The following PCDHGA5 variants were observed in gnomAD, a reference collection of about 807,000 sequenced individuals.
PCDHGA5 encodes the protein protocadherin gamma-A5.
In PCDHGA5, 36 loss-of-function variants were observed where a neutral mutation model predicts 56.7. The observed-to-expected ratio is 0.64, with a 90% CI of 0.49 to 0.84. PCDHGA5 has a LOEUF of 0.84. Among genes scored for constraint, PCDHGA5 ranks in the 40% least tolerant of loss-of-function variants. The pLI is 0.00. For missense variants in PCDHGA5, 1,305 were observed against 1,201.5 expected (o/e 1.09, Z -1.27); for synonymous variants, 563 against 520.2 (o/e 1.08, Z -1.12).
chr5:141,433,098 T>G, intron 1 of PCDHGA5: 1 of 1,614,204 alleles, frequency 6.2e-7, no homozygotes, highest in Non-Finnish European at 8.5e-7. Context: ...GACATGCTCG[T>G]CAGCCAGGAG....
rs1191643556 is a variant in PCDHGA5, at chr5:141,486,302, C to T, written c.2422-8505C>T. The T allele has an allele frequency of 2.5e-6, 4 of 1,613,918 alleles. No individual in the cohort carries two copies. The highest frequency in any genetic ancestry group is 3.4e-6 in the Non-Finnish European group (4 of 1,180,002). Reference sequence around the variant, plus strand: ...GGTGGCACTTATCAGTGTGCAGGATCCAGACTCAGGGTCAAACGGAGATGT... The same window carrying T: ...GGTGGCACTTATCAGTGTGCAGGATTCAGACTCAGGGTCAAACGGAGATGT... On this transcript the variant is annotated intron_variant, in intron 1 of 3. Coordinates refer to ENST00000518069, the MANE Select transcript of PCDHGA5 (RefSeq NM_018918.3). This position sits in a 1 kb window ranked among gnomAD's most constrained non-coding sequence, Gnocchi z 5.0.
chr5:141,416,120 A>C (rs2095996372), intron 1 of PCDHGA5: 1 of 155,288 alleles, frequency 6.4e-6, no homozygotes, highest in African/African-American at 2.4e-5. Context: ...ACTACATTTT[A>C]TATATTTTTC....
In PCDHGA5 at chr5:141,366,150, G is replaced by C; in HGVS notation, c.1820G>C (p.Arg607Pro). Residue 607 changes from arginine (R) to proline (P), a missense_variant, in exon 1 of 4, where the codon CGC (arginine) becomes CCC (proline). Transcript: ENST00000518069. ...DSGQNAWLSY[R>P]LLKASEPGLF... ...GGCCAGAACGCCTGGCTGTCCTACC[G>C]CCTGCTTAAGGCCAGCGAGCCAGGA... The C allele has an allele frequency of 1.2e-6, 2 of 1,614,136 alleles. No homozygotes were observed. Among genetic ancestry groups the C allele is most frequent in the Non-Finnish European group, 1.7e-6 (2 of 1,180,044 alleles).
Position 141,403,122 on chromosome 5 carries a change from G to A in PCDHGA5, c.2421+36371G>A, listed in dbSNP as rs550510039. 4.3e-5 allele frequency: 69 copies of A among 1,613,932 alleles called. No individual in the cohort carries two copies. Among genetic ancestry groups the A allele is most frequent in the East Asian group, 8.9e-5 (4 of 44,898 alleles). ...TCCAAGGACCTGGCTCTGGAGCCCC[G>A]GGAGCTGGCGGAGCGCCGAGTCCGC... On this transcript the variant is annotated intron_variant, in intron 1 of 3. Transcript: ENST00000518069.
At chr5:141,478,044 C>T in intron 1 of PCDHGA5, 2 of 1,614,184 alleles carry the variant, frequency 1.2e-6, no homozygotes, top group South Asian at 1.1e-5. Flanking sequence ...CCCAGGCAGA[C>T]TCTCACGGTC....
chr5:141,392,706 C>T (rs2092579718), intron 1 of PCDHGA5: 1 of 1,289,828 alleles, frequency 7.8e-7, no homozygotes, highest in South Asian at 1.6e-5. Flanking sequence ...TGTTTGGAGG[C>T]ACTCCAGGTT....
chr5:141,367,849 G>A (rs903459046), intron 1 of PCDHGA5: 3 of 152,008 alleles, frequency 2.0e-5, no homozygotes, highest in Admixed American at 1.3e-4. Flanking sequence ...TGCAATGTTA[G>A]CGTTTCTTTA....
chr5:141,433,056 G>C, intron 1 of PCDHGA5: 10 of 1,614,204 alleles, frequency 6.2e-6, no homozygotes, highest in Non-Finnish European at 8.5e-6. Context: ...TCGCGGAAGA[G>C]TCACCTGATC....
rs1562106021 is a variant in PCDHGA5 at position 141,485,561 on chromosome 5, G to T, written c.2422-9246G>T. 6.2e-7 allele frequency: 1 copy of T among 1,613,008 alleles called. No individual in the cohort carries two copies. Among genetic ancestry groups the T allele is most frequent in the Non-Finnish European group, 8.5e-7 (1 of 1,179,122 alleles). ...AGAGATCGTAGATGTGAATGATCAC[G>T]CCCCCCGTTTTCCGCGGCAGCAGCT... On this transcript the variant is annotated intron_variant, in intron 1 of 3. Coordinates refer to ENST00000518069, the MANE Select transcript of PCDHGA5 (RefSeq NM_018918.3). The surrounding 1 kb of genome is among the most constrained non-coding windows in gnomAD (Gnocchi z 5.7).
At chr5:141,409,883 C>G (rs530193346) in intron 1 of PCDHGA5, 2 of 1,612,988 alleles carry the variant, frequency 1.2e-6, no homozygotes, top group South Asian at 2.2e-5. Context: ...CAACGCACCG[C>G]GGGTGCTGTA....
At chr5:141,397,920 T>C (rs2093586320) in intron 1 of PCDHGA5, 1 of 726,984 alleles carries the variant, frequency 1.4e-6, no homozygotes, top group Non-Finnish European at 2.2e-6. Context: ...CCAGATCTCC[T>C]CGCGCAGCCG....
intron 1 of PCDHGA5, chr5:141,399,804 G>A (rs1191609127): frequency 2.5e-6 from 4 of 1,613,224 alleles, no homozygotes; most frequent in East Asian, 2.2e-5. Flanking sequence ...CGCGGGTGCT[G>A]TACCCCGCGC....
intron 1 of PCDHGA5, chr5:141,423,684 T>G (rs201506477): frequency 6.6e-7 from 1 of 1,524,756 alleles, no homozygotes; most frequent in Non-Finnish European, 8.8e-7. Context: ...CTCTGCCTCC[T>G]AATTGTTGGT....
intron 1 of PCDHGA5, chr5:141,404,658 C>A: frequency 6.2e-7 from 1 of 1,614,198 alleles, no homozygotes; most frequent in Non-Finnish European, 8.5e-7. Flanking sequence ...GCCCTCCCCA[C>A]TGATGGTTCT....
In PCDHGA5 at chr5:141,423,512, C is replaced by T. The variant is rs765694240; in HGVS notation, c.2421+56761C>T. 55 of 1,613,552 alleles carry T rather than the reference C, an allele frequency of 3.4e-5. No individual in the cohort carries two copies. The highest frequency in any genetic ancestry group is 2.8e-4 in the African/African-American group (21 of 74,924). On this transcript the variant is annotated intron_variant, in intron 1 of 3. Coordinates refer to ENST00000518069, the MANE Select transcript of PCDHGA5 (RefSeq NM_018918.3). ...TATTCCCACGAGGTCTCTCTCATTGCGGACTCGCAGAAGAGTCACCTGATT... is the reference window on the plus strand; with the variant it reads ...TATTCCCACGAGGTCTCTCTCATTGTGGACTCGCAGAAGAGTCACCTGATT...
rs994740663 is a variant in PCDHGA5, at chr5:141,477,022, G to T, written c.2422-17785G>T. ...TATTCGCCTTAGACCTTGTAACCGG[G>T]ATGCTGACAATCAAGGGTCGGCTGG... On this transcript the variant is annotated intron_variant, in intron 1 of 3. Transcript: ENST00000518069. The surrounding 1 kb of genome is among the most constrained non-coding windows in gnomAD (Gnocchi z 4.9). 6.2e-7 allele frequency: 1 copy of T among 1,614,240 alleles called. No homozygotes were observed. Among genetic ancestry groups the T allele is most frequent in the African/African-American group, 1.3e-5 (1 of 75,074 alleles).
At position 141,364,657 on chromosome 5, in the gene PCDHGA5, G is replaced by C; in HGVS notation, c.327G>C (p.Leu109Phe). 1 of 1,614,034 alleles carries C rather than the reference G, an allele frequency of 6.2e-7. No individual in the cohort carries two copies. The highest frequency in any genetic ancestry group is 1.1e-5 in the South Asian group (1 of 91,082). ...TGTGTGTGGTGAACTTTAACATCTTGGTTGAGAACAAAATGAAAATTTATG... is the reference window on the plus strand; with the variant it reads ...TGTGTGTGGTGAACTTTAACATCTTCGTTGAGAACAAAATGAAAATTTATG... The part of the protein sequence containing the change: ...SPLCVVNFNI[L>F]VENKMKIYGV... The change falls in exon 1 of 4, where the codon TTG (leucine) becomes TTC (phenylalanine). Residue 109 changes from leucine to phenylalanine, a missense_variant. Leu to Phe is a conservative substitution (Grantham distance 22). Transcript: ENST00000518069.
intron 1 of PCDHGA5, chr5:141,383,703 C>A: frequency 2.5e-6 from 4 of 1,613,964 alleles, no homozygotes; most frequent in Non-Finnish European, 3.4e-6. Flanking sequence ...ATGCTATCGA[C>A]CTGGACGAGG....
In PCDHGA5 at chr5:141,394,544, G is replaced by A. The variant is rs759661980; in HGVS notation, c.2421+27793G>A. 2.5e-6 allele frequency: 4 copies of A among 1,614,054 alleles called. No individual in the cohort carries two copies. In the South Asian group the frequency reaches 3.3e-5, roughly 13 times the overall value. ...CAGACGGTTCCACTGGCGTGGAGCT[G>A]GCGCCCCGCTCCGCAGAGCGTGGCT... On this transcript the variant is annotated intron_variant, in intron 1 of 3. Coordinates refer to ENST00000518069, the MANE Select transcript of PCDHGA5 (RefSeq NM_018918.3).
Sources: gnomAD v4.1 joint callset for allele counts on GRCh38, gnomAD v4.1.1 for gene constraint, Gnocchi (gnomAD v3.1) non-coding constraint, MANE v1.5 for transcripts, NCBI Gene and HGNC (gene_info 2026-07-23, HGNC 2026-07-21) for gene names.